DIP2C: variants seen among roughly 807,000 people sequenced by gnomAD.
DIP2C encodes disco-interacting protein 2 homolog C.
A neutral mutation model predicts 192.4 loss-of-function variants in DIP2C; 33 were observed. The ratio of observed to expected loss-of-function variants is 0.17; its 90% CI spans 0.13 to 0.23. DIP2C has a LOEUF of 0.23. Ranked by LOEUF, DIP2C falls within the 10% of genes least tolerant of loss-of-function variation. The pLI is 1.00. For missense variants in DIP2C, 1,537 were observed against 2,110.1 expected, an observed-to-expected ratio of 0.73 and a Z score of 5.32; for synonymous variants, 979 against 864.1, an observed-to-expected ratio of 1.13 and a Z score of -2.33.
At chr10:650,837 G>A (rs1219926774) in intron 1 of DIP2C, 2 of 714,548 alleles carry the variant, frequency 2.8e-6, no homozygotes, top group Non-Finnish European at 5.2e-6. Context: ...TTCTGCCTCA[G>A]CCCCCACTTG....
chr10:392,918 A>C (rs937771357), intron 10 of DIP2C, among the ~76,000 whole-genome samples: 12 of 152,258 alleles, frequency 7.9e-5, no homozygotes, highest in African/African-American at 2.6e-4. Flanking sequence ...ACACACACTC[A>C]ACAAAGAAAG....
intron 33 of DIP2C, among the ~76,000 whole-genome samples, chr10:287,642 A>C (rs1589391298): frequency 6.7e-6 from 1 of 149,424 alleles, no homozygotes. Flanking sequence ...TCAATGGAGA[A>C]GGAATCTGAC....
chr10:373,904 C>A (rs1961271624), intron 17 of DIP2C, among the ~76,000 whole-genome samples: 1 of 152,206 alleles, frequency 6.6e-6, no homozygotes. Flanking sequence ...ATAGTCTGGG[C>A]TTCCAGAGCT....
At chr10:493,145 C>A (rs1844570205) in intron 1 of DIP2C, among the ~76,000 whole-genome samples, 1 of 152,198 alleles carries the variant, frequency 6.6e-6, no homozygotes, top group African/African-American at 2.4e-5. Flanking sequence ...CCGGAGATGC[C>A]CCAGCAGTCA....
intron 2 of DIP2C, among the ~76,000 whole-genome samples, chr10:483,638 C>T (rs1843779950): frequency 1.3e-5 from 2 of 152,222 alleles, no homozygotes; most frequent in South Asian, 4.1e-4. Flanking sequence ...GCCCTGTCGC[C>T]TTCTCATCAG....
chr10:282,769 A>T (rs1954901883), intron 35 of DIP2C, among the ~76,000 whole-genome samples: 1 of 152,256 alleles, frequency 6.6e-6, no homozygotes, highest in African/African-American at 2.4e-5. Context: ...CTACTCTCTG[A>T]TGAATGCATG....
intron 1 of DIP2C, among the ~76,000 whole-genome samples, chr10:596,480 G>A (rs1851706091): frequency 8.8e-6 from 1 of 113,114 alleles, no homozygotes; most frequent in African/African-American, 3.6e-5. Context: ...TGGGCGACCA[G>A]TGCGAAACTC....
At chr10:474,634 A>T (rs894534760) in intron 2 of DIP2C, among the ~76,000 whole-genome samples, 13 of 152,192 alleles carry the variant, frequency 8.5e-5, no homozygotes, top group Non-Finnish European at 4.4e-5. Context: ...CCCGTGCTAA[A>T]GGAGCACCTT....
chr10:440,796 CCT>C lies in DIP2C; in HGVS notation c.394+73_394+74del, dbSNP rs1406106595. ...CTTCATTATTTTGAAAGCAAAAACC[CCT>C]GATTGCTGGGCTAGGTCAATTCTGA... On this transcript the variant is annotated intron_variant, in intron 4 of 36. Transcript: ENST00000280886. 154 of 1,513,280 alleles carry C rather than the reference CCT, an allele frequency of 1.0e-4. 2 individuals carry two copies. Among genetic ancestry groups the C allele is most frequent in the Admixed American group, 2.2e-4 (10 of 45,784 alleles). The allele number at this position is 1,513,280 out of a possible 1,614,324, so 93.7% of individuals were successfully genotyped here.
intron 1 of DIP2C, among the ~76,000 whole-genome samples, chr10:521,710 G>A (rs943922023): frequency 3.8e-4 from 58 of 152,212 alleles, no homozygotes; most frequent in Non-Finnish European, 5.7e-4. Flanking sequence ...CCTGAATGTA[G>A]AACACAGGAG....
chr10:526,530 C>CAA (rs11298752), intron 1 of DIP2C, among the ~76,000 whole-genome samples: 3 of 139,054 alleles, frequency 2.2e-5, no homozygotes, highest in African/African-American at 8.2e-5. Flanking sequence ...CCTACCCCAC[C>CAA]AAAAAAAAAA....
At chr10:470,884 T>C (rs1405909957) in intron 3 of DIP2C, among the ~76,000 whole-genome samples, 1 of 152,102 alleles carries the variant, frequency 6.6e-6, no homozygotes, top group African/African-American at 2.4e-5. Context: ...ACTGAAGCCA[T>C]GTGAACTCAG....
intron 1 of DIP2C, among the ~76,000 whole-genome samples, chr10:583,299 G>A (rs1850781680): frequency 1.3e-5 from 2 of 152,226 alleles, no homozygotes; most frequent in African/African-American, 4.8e-5. Context: ...ACCTCTCTTA[G>A]CAGAAAGAGA....
chr10:631,561 G>GT (rs954266622), intron 1 of DIP2C, among the ~76,000 whole-genome samples: 98 of 149,820 alleles, frequency 6.5e-4, no homozygotes, highest in African/African-American at 1.5e-3. Context: ...CTCTTAACAT[G>GT]TTTTTTTTTT....
In DIP2C at chr10:405,948, C is replaced by T. The variant is rs566244789; in HGVS notation, c.1149+2978G>A. On this transcript the variant is annotated intron_variant, in intron 9 of 36. Transcript: ENST00000280886. ...TCCTCGAGAGCCCTTCTCAGATAAT[C>T]TTTCCTCAGAAAAATTTTAGAAAAG... Among the ~76,000 whole-genome samples, 331 of 152,322 alleles carry T rather than the reference C, an allele frequency of 2.2e-3. 1 individual carries two copies. Among genetic ancestry groups the T allele is most frequent in the Non-Finnish European group, 3.2e-3 (219 of 68,024 alleles).
At chr10:609,037 T>TA (rs769054507) in intron 1 of DIP2C, among the ~76,000 whole-genome samples, 86 of 152,228 alleles carry the variant, frequency 5.6e-4, no homozygotes, top group Admixed American at 1.3e-3. Context: ...GTCATCACTT[T>TA]ACCAGTATAG....
In DIP2C at chr10:571,383, C is replaced by T. The variant is rs1332352536; in HGVS notation, c.86-84853G>A. Among the ~76,000 whole-genome samples, 22 of 152,160 alleles carry T rather than the reference C, an allele frequency of 1.4e-4. No homozygotes were observed. In the East Asian group the frequency reaches 2.7e-3, roughly 19 times the overall value. On this transcript the variant is annotated intron_variant, in intron 1 of 36. Coordinates refer to ENST00000280886, the MANE Select transcript of DIP2C (RefSeq NM_014974.3). ...GCCTCTCCTGGAAAATCAGCTGTGA[C>T]GCACCCGCGAGGGTCGGGAACCGGC...
At chr10:571,281 G>A (rs1849779789) in intron 1 of DIP2C, among the ~76,000 whole-genome samples, 1 of 152,176 alleles carries the variant, frequency 6.6e-6, no homozygotes, top group Admixed American at 6.5e-5. Context: ...CCACATCTCA[G>A]GTCAGCAACA....
At chr10:605,941 T>C (rs937847856) in intron 1 of DIP2C, among the ~76,000 whole-genome samples, 1 of 152,178 alleles carries the variant, frequency 6.6e-6, no homozygotes, top group African/African-American at 2.4e-5. Flanking sequence ...ATATGCATCC[T>C]GCTGGGCCCA....
Sources: allele counts gnomAD v4.1 joint callset (sites outside exome capture counted in the v4.1 genomes callset), GRCh38; gene constraint gnomAD v4.1.1; transcripts MANE v1.5; gene names NCBI Gene and HGNC (gene_info 2026-07-23, HGNC 2026-07-21).